The following SLC4A4 variants were observed in gnomAD, a reference collection of about 807,000 sequenced individuals.
The protein encoded by SLC4A4 is electrogenic sodium bicarbonate cotransporter 1.
A neutral mutation model predicts 111.5 loss-of-function variants in SLC4A4; 27 were observed. The ratio of observed to expected loss-of-function variants is 0.24; its 90% CI spans 0.18 to 0.33. The LOEUF is 0.33. SLC4A4 is among the 10% of genes least tolerant of loss of function. SLC4A4 has a pLI of 1.00. For missense variants in SLC4A4, 909 were observed against 1,315.5 expected (o/e 0.69, Z 4.78); for synonymous variants, 443 against 463.4 (o/e 0.96, Z 0.57).
intron 15 of SLC4A4, among the ~76,000 whole-genome samples, chr4:71,489,928 A>G (rs942109659): frequency 6.6e-6 from 1 of 151,676 alleles, no homozygotes; most frequent in East Asian, 1.9e-4. Flanking sequence ...GGTGGTAGGG[A>G]TATGTTTCAG....
At chr4:71,362,218 T>C (rs1370688519) in intron 6 of SLC4A4, among the ~76,000 whole-genome samples, 5 of 152,246 alleles carry the variant, frequency 3.3e-5, no homozygotes, top group Non-Finnish European at 7.3e-5. Context: ...GGAGTATAGA[T>C]GCCCTTTGCT....
chr4:71,433,755 T>G (rs1397528304), intron 7 of SLC4A4, among the ~76,000 whole-genome samples: 3 of 152,072 alleles, frequency 2.0e-5, no homozygotes, highest in Non-Finnish European at 4.4e-5. Context: ...CTACTTTTAG[T>G]TATACATATT....
intron 2 of SLC4A4, among the ~76,000 whole-genome samples, chr4:71,153,810 T>C (rs1441539413): frequency 6.6e-6 from 1 of 152,190 alleles, no homozygotes. Context: ...GGACTTCTAC[T>C]CATTCTCTCT....
At chr4:71,537,302 T>G (rs527795607) in intron 18 of SLC4A4, among the ~76,000 whole-genome samples, 2 of 152,210 alleles carry the variant, frequency 1.3e-5, no homozygotes, top group East Asian at 3.9e-4. Context: ...CATATATGTA[T>G]ATGTATACAC....
chr4:71,102,351 G>C (rs1742773666), intron 2 of SLC4A4, among the ~76,000 whole-genome samples: 2 of 150,052 alleles, frequency 1.3e-5, no homozygotes, highest in African/African-American at 2.5e-5. Context: ...CACTCTGCAG[G>C]ATATTATCCA....
intron 2 of SLC4A4, among the ~76,000 whole-genome samples, chr4:71,239,605 T>A (rs939425708): frequency 6.6e-6 from 1 of 152,174 alleles, no homozygotes; most frequent in African/African-American, 2.4e-5. Flanking sequence ...CAAAACTCAC[T>A]AAGCACAGAG....
At chr4:71,387,016 A>C (rs1718800073) in intron 6 of SLC4A4, among the ~76,000 whole-genome samples, 1 of 152,212 alleles carries the variant, frequency 6.6e-6, no homozygotes, top group Non-Finnish European at 1.5e-5. Flanking sequence ...TCTTGAGCAG[A>C]GCCCTGCAGT....
chr4:71,356,754 T>C (rs1420554579), intron 5 of SLC4A4, among the ~76,000 whole-genome samples: 1 of 152,202 alleles, frequency 6.6e-6, no homozygotes, highest in Non-Finnish European at 1.5e-5. Context: ...TACAGGATAA[T>C]CTGACTTATG....
chr4:71,472,634 A>G, intron 13 of SLC4A4, 65 bp from the exon 14 acceptor site: 1 of 1,491,220 alleles, frequency 6.7e-7, no homozygotes, highest in Non-Finnish European at 9.3e-7. Flanking sequence ...GACATTTGGT[A>G]GTTTTATATT....
At chr4:71,497,474 A>G in intron 15 of SLC4A4, 27 bp from the exon 16 acceptor site, 1 of 1,596,378 alleles carries the variant, frequency 6.3e-7, no homozygotes, top group Non-Finnish European at 8.6e-7. Context: ...TGTTCTCTAG[A>G]AAAATTTTAA....
intron 6 of SLC4A4, among the ~76,000 whole-genome samples, chr4:71,357,998 C>A (rs1298432832): frequency 2.0e-5 from 3 of 152,058 alleles, no homozygotes; most frequent in African/African-American, 7.2e-5. Context: ...ATCCTCCCAT[C>A]CCACCCCCAG....
At position 71,571,871 on chromosome 4, in the gene SLC4A4, G is replaced by A. The variant is rs1737951073; in HGVS notation, c.*4120G>A. ...TTAAATGAAGTAGATCAACATGGTGGAACAAAATGATAAAGAACAGAAAAC... is the reference window on the plus strand; with the variant it reads ...TTAAATGAAGTAGATCAACATGGTGAAACAAAATGATAAAGAACAGAAAAC... On this transcript the variant is annotated 3_prime_UTR_variant, in exon 26 of 26. Transcript: ENST00000264485. 6.6e-6 allele frequency: 1 copy of A among 152,048 alleles called. No homozygotes were observed. The highest frequency in any genetic ancestry group is 2.4e-5 in the African/African-American group (1 of 41,312). The allele number at this position is 152,048 out of a possible 1,614,324, so 9.4% of individuals were successfully genotyped here.
chr4:71,188,211 A>G (rs984477647), intron 1 of SLC4A4, among the ~76,000 whole-genome samples: 1 of 152,220 alleles, frequency 6.6e-6, no homozygotes, highest in African/African-American at 2.4e-5. Flanking sequence ...CATAAAGACA[A>G]AAGTTCTTAT....
intron 7 of SLC4A4, among the ~76,000 whole-genome samples, chr4:71,407,150 G>A (rs767840150): frequency 1.2e-4 from 19 of 152,134 alleles, no homozygotes; most frequent in Admixed American, 7.9e-4. Context: ...GAACAGACAC[G>A]TATTCAATCG....
chr4:71,512,005 A>G (rs1382591854), intron 16 of SLC4A4, among the ~76,000 whole-genome samples: 1 of 152,038 alleles, frequency 6.6e-6, no homozygotes, highest in East Asian at 1.9e-4. Context: ...CATTTTCTTT[A>G]TCCATTTATC....
intron 2 of SLC4A4, among the ~76,000 whole-genome samples, chr4:71,139,799 GT>G (rs1259821385): frequency 6.6e-6 from 1 of 152,108 alleles, no homozygotes; most frequent in Non-Finnish European, 1.5e-5. Flanking sequence ...TCAAATCAGG[GT>G]TTTTAGGATA....
At chr4:71,253,480 T>A (rs1272912489) in intron 2 of SLC4A4, among the ~76,000 whole-genome samples, 1 of 152,154 alleles carries the variant, frequency 6.6e-6, no homozygotes, top group African/African-American at 2.4e-5. Context: ...TTTAAAAAAA[T>A]TTTTCAACCT....
chr4:71,140,106 A>G (rs16845887), intron 2 of SLC4A4, among the ~76,000 whole-genome samples: 2,227 of 152,292 alleles, frequency 0.015, 23 homozygotes, highest in Non-Finnish European at 0.023. Context: ...TTGAACACAT[A>G]GCATCCAATG....
chr4:71,236,663 G>A lies in SLC4A4; in HGVS notation c.73+14G>A. On this transcript the variant is annotated intron_variant, in intron 2 of 25. Coordinates refer to ENST00000264485, the MANE Select transcript of SLC4A4 (RefSeq NM_001098484.3). Reference sequence around the variant, plus strand: ...AAGAAGTAGAAGGTGAGCTTTATGGGTCTGGGAAAGTGTCTGTTGACATAC... The same window carrying A: ...AAGAAGTAGAAGGTGAGCTTTATGGATCTGGGAAAGTGTCTGTTGACATAC... The A allele has an allele frequency of 3.7e-6, 6 of 1,604,832 alleles. No individual in the cohort carries two copies. Among genetic ancestry groups the A allele is most frequent in the Non-Finnish European group, 5.1e-6 (6 of 1,171,716 alleles).
Sources: gnomAD v4.1 joint callset for allele counts (sites outside exome capture counted in the v4.1 genomes callset) on GRCh38, gnomAD v4.1.1 for gene constraint, MANE v1.5 for transcripts, NCBI Gene and HGNC (gene_info 2026-07-23, HGNC 2026-07-21) for gene names.